DENND1A: variants seen among roughly 807,000 people sequenced by gnomAD.
DENND1A encodes DENN domain containing 1A, also known as DENN domain-containing protein 1A.
A neutral mutation model predicts 113.7 loss-of-function variants in DENND1A; 51 were observed. The observed-to-expected ratio is 0.45, with a 90% confidence interval of 0.36 to 0.57. DENND1A has a LOEUF of 0.57. Ranked by LOEUF, DENND1A falls within the 20% of genes least tolerant of loss-of-function variation. DENND1A has a pLI of 0.00. For missense variants in DENND1A, 1,258 were observed against 1,395.9 expected (o/e 0.90, Z 1.57); for synonymous variants, 565 against 570.8 (o/e 0.99, Z 0.14).
At chr9:123,401,371 G>A in intron 21 of DENND1A, 1 of 500,592 alleles carries the variant, frequency 2.0e-6, no homozygotes, top group South Asian at 6.7e-5. Context: ...ATGGGAAGAG[G>A]CGTAGAAAAA....
chr9:123,879,086 C>A, intron 1 of DENND1A, 65 bp from the exon 2 acceptor site: 1 of 1,515,146 alleles, frequency 6.6e-7, no homozygotes, highest in Non-Finnish European at 9.1e-7. Context: ...AACATGTGGG[C>A]TATGGTATTA....
intron 11 of DENND1A, among the ~76,000 whole-genome samples, chr9:123,595,418 C>T (rs1472640340): frequency 6.6e-6 from 1 of 152,134 alleles, no homozygotes; most frequent in Non-Finnish European, 1.5e-5. Flanking sequence ...TACGCTAGGT[C>T]TTAGGGACAC....
intron 9 of DENND1A, among the ~76,000 whole-genome samples, chr9:123,636,938 C>T (rs1165106219): frequency 2.6e-5 from 4 of 152,174 alleles, no homozygotes; most frequent in Admixed American, 6.5e-5. Context: ...TCATGTGATC[C>T]GCCCGCCTCC....
chr9:123,384,463 C>G (rs2042453309), intron 22 of DENND1A, among the ~76,000 whole-genome samples: 1 of 152,190 alleles, frequency 6.6e-6, no homozygotes, highest in African/African-American at 2.4e-5. Context: ...TGCTGTGGGA[C>G]CTTTGGCAGG....
At chr9:123,812,733 T>A (rs1041426800) in intron 2 of DENND1A, among the ~76,000 whole-genome samples, 3 of 152,200 alleles carry the variant, frequency 2.0e-5, no homozygotes, top group African/African-American at 7.2e-5. Flanking sequence ...TCTTAACTAC[T>A]TGGATTTATT....
At chr9:123,652,653 C>T (rs1250104083) in intron 8 of DENND1A, among the ~76,000 whole-genome samples, 1 of 152,168 alleles carries the variant, frequency 6.6e-6, no homozygotes, top group Non-Finnish European at 1.5e-5. Context: ...CAGGCGAGCT[C>T]CTCTCCCGTC....
chr9:123,743,526 G>A (rs1329530077), intron 5 of DENND1A, among the ~76,000 whole-genome samples: 1 of 151,988 alleles, frequency 6.6e-6, no homozygotes, highest in Non-Finnish European at 1.5e-5. Flanking sequence ...GAGGTCAGGG[G>A]TTTGAGACCA....
chr9:123,921,405 C>A (rs59162562), intron 1 of DENND1A, among the ~76,000 whole-genome samples: 18,893 of 152,124 alleles, frequency 0.12, 1,729 homozygotes, highest in African/African-American at 0.26. Flanking sequence ...TGCTCACATA[C>A]CCCTGGCTCC....
At chr9:123,521,513 T>C (rs528581066) in intron 13 of DENND1A, among the ~76,000 whole-genome samples, 2 of 152,216 alleles carry the variant, frequency 1.3e-5, no homozygotes, top group Non-Finnish European at 2.9e-5. Context: ...TGGTATAGCA[T>C]CAGTGTTCCA....
At chr9:123,477,730 C>T (rs989446110) in intron 13 of DENND1A, among the ~76,000 whole-genome samples, 11 of 150,924 alleles carry the variant, frequency 7.3e-5, no homozygotes, top group Admixed American at 4.0e-4. Flanking sequence ...GTACATGTAC[C>T]GTGGAACTTA....
At chr9:123,762,791 G>A (rs924950034) in intron 4 of DENND1A, among the ~76,000 whole-genome samples, 1 of 152,244 alleles carries the variant, frequency 6.6e-6, no homozygotes, top group East Asian at 1.9e-4. Context: ...GCCCTACTGA[G>A]ATAATGTGGT....
chr9:123,566,913 C>CACACACACA (rs1554883177), intron 12 of DENND1A, among the ~76,000 whole-genome samples: 1 of 147,336 alleles, frequency 6.8e-6, no homozygotes, highest in Non-Finnish European at 1.5e-5. Context: ...CTTTAACACA[C>CACACACACA]CACACACACA....
At chr9:123,619,009 G>A (rs759549263) in intron 10 of DENND1A, among the ~76,000 whole-genome samples, 10 of 152,206 alleles carry the variant, frequency 6.6e-5, no homozygotes, top group Admixed American at 1.3e-4. Context: ...GTGCAGTGAC[G>A]CGATCTCAGC....
chr9:123,414,586 C>T (rs1055075414), intron 19 of DENND1A: 179 of 1,550,486 alleles, frequency 1.2e-4, no homozygotes, highest in Non-Finnish European at 1.4e-4. Flanking sequence ...GGATTCACAA[C>T]GCCTGTTAGC....
intron 21 of DENND1A, among the ~76,000 whole-genome samples, chr9:123,396,584 G>A (rs985839560): frequency 1.3e-5 from 2 of 152,220 alleles, no homozygotes; most frequent in African/African-American, 4.8e-5. Context: ...CCTGGGCTTC[G>A]GGCGGGGTTT....
At chr9:123,742,059 G>T (rs1376189772) in intron 5 of DENND1A, among the ~76,000 whole-genome samples, 1 of 152,198 alleles carries the variant, frequency 6.6e-6, no homozygotes, top group African/African-American at 2.4e-5. Flanking sequence ...AGTCTCCTCT[G>T]CACATACATA....
At chr9:123,457,958 A>C (rs938637251) in intron 13 of DENND1A, 61 bp from the exon 14 acceptor site, 21 of 1,334,190 alleles carry the variant, frequency 1.6e-5, no homozygotes, top group Non-Finnish European at 1.8e-5. Flanking sequence ...TCAGTTTTGA[A>C]ATTCCTATTT....
chr9:123,570,731 G>A (rs1297114224), intron 12 of DENND1A, among the ~76,000 whole-genome samples: 1 of 152,126 alleles, frequency 6.6e-6, no homozygotes, highest in Admixed American at 6.5e-5. Context: ...CATTAACAGG[G>A]TAGAAGTATC....
At chr9:123,661,397 A>C (rs73665324) in intron 8 of DENND1A, among the ~76,000 whole-genome samples, 2,425 of 152,344 alleles carry the variant, frequency 0.016, 68 homozygotes, top group African/African-American at 0.056. Flanking sequence ...AATGAGTACT[A>C]AACGAAGGTA....
Sources: allele counts gnomAD v4.1 joint callset (sites outside exome capture counted in the v4.1 genomes callset), GRCh38; gene constraint gnomAD v4.1.1; transcripts MANE v1.5; gene names NCBI Gene and HGNC (gene_info 2026-07-23, HGNC 2026-07-21).